Variants in KCND2 observed in about 807,000 individuals in gnomAD.
The protein encoded by KCND2 is potassium voltage-gated channel subfamily D member 2, also known as A-type voltage-gated potassium channel KCND2.
KCND2 carries 16 observed loss-of-function variants against 54.4 expected under a neutral mutation model. The ratio of observed to expected loss-of-function variants is 0.29; its 90% CI spans 0.20 to 0.45. KCND2 has a LOEUF of 0.45. Among genes scored for constraint, KCND2 ranks in the 20% least tolerant of loss-of-function variants. The probability of loss-of-function intolerance (pLI) is 1.00; values close to 1 mark genes in which losing one functional copy is unlikely to be tolerated. For missense variants in KCND2, 486 were observed against 824.2 expected (o/e 0.59, Z 5.02); for synonymous variants, 317 against 310.7 (o/e 1.02, Z -0.21).
At chr7:120,371,512 T>G (rs1456022309) in intron 1 of KCND2, among the ~76,000 whole-genome samples, 1 of 151,818 alleles carries the variant, frequency 6.6e-6, no homozygotes, top group African/African-American at 2.4e-5. Flanking sequence ...GGCCATGGAG[T>G]TGAGTGGGAG....
intron 1 of KCND2, among the ~76,000 whole-genome samples, chr7:120,726,115 C>T (rs1307722392): frequency 2.6e-5 from 4 of 152,036 alleles, no homozygotes; most frequent in African/African-American, 9.7e-5. Flanking sequence ...TAAACAACTA[C>T]ATACATTAGC....
intron 1 of KCND2, among the ~76,000 whole-genome samples, chr7:120,661,515 T>A (rs2116560223): frequency 6.6e-6 from 1 of 152,050 alleles, no homozygotes; most frequent in East Asian, 1.9e-4. Flanking sequence ...CCAGGCATGG[T>A]GATAGTCACC....
chr7:120,411,912 A>T (rs946249919), intron 1 of KCND2, among the ~76,000 whole-genome samples: 1 of 151,956 alleles, frequency 6.6e-6, no homozygotes, highest in South Asian at 2.1e-4. Flanking sequence ...TTTGCAACTC[A>T]TGTACCTAAT....
intron 1 of KCND2, among the ~76,000 whole-genome samples, chr7:120,678,343 TTA>T (rs3067141): frequency 0.44 from 53,185 of 120,078 alleles, 12,254 homozygotes; most frequent in Middle Eastern, 0.64. Context: ...GTATGATTAT[TTA>T]TATATATATA....
chr7:120,417,879 A>C (rs1801546519), intron 1 of KCND2, among the ~76,000 whole-genome samples: 1 of 152,204 alleles, frequency 6.6e-6, no homozygotes, highest in African/African-American at 2.4e-5. Context: ...TCTTTGAACC[A>C]GGAGTCTAGG....
At chr7:120,392,199 A>C (rs566789432) in intron 1 of KCND2, among the ~76,000 whole-genome samples, 1 of 152,058 alleles carries the variant, frequency 6.6e-6, no homozygotes, top group East Asian at 1.9e-4. Flanking sequence ...TGTTTTTGTC[A>C]GGTTTGTTGA....
At chr7:120,375,375 C>T (rs1242224635) in intron 1 of KCND2, among the ~76,000 whole-genome samples, 1 of 151,816 alleles carries the variant, frequency 6.6e-6, no homozygotes, top group Non-Finnish European at 1.5e-5. Context: ...ATTTAGACTC[C>T]TTTCAGTCTC....
intron 1 of KCND2, among the ~76,000 whole-genome samples, chr7:120,361,141 T>G (rs1800587501): frequency 6.6e-6 from 1 of 152,032 alleles, no homozygotes; most frequent in African/African-American, 2.4e-5. Flanking sequence ...CTGTTTTGAC[T>G]GTCACAGAAG....
chr7:120,503,971 C>G (rs1055841977), intron 1 of KCND2, among the ~76,000 whole-genome samples: 1 of 151,866 alleles, frequency 6.6e-6, no homozygotes, highest in South Asian at 2.1e-4. Context: ...TTTCTTGTAT[C>G]GTTCTAAAAC....
At chr7:120,522,662 C>T (rs368329292) in intron 1 of KCND2, among the ~76,000 whole-genome samples, 42 of 152,126 alleles carry the variant, frequency 2.8e-4, no homozygotes, top group African/African-American at 9.9e-4. Context: ...AGAATCATTC[C>T]TGATAGCCCA....
chr7:120,308,510 T>G (rs1222640485), intron 1 of KCND2, among the ~76,000 whole-genome samples: 1 of 152,110 alleles, frequency 6.6e-6, no homozygotes, highest in Admixed American at 6.6e-5. Context: ...AATCACAGAG[T>G]TAAGGTTTCA....
intron 1 of KCND2, among the ~76,000 whole-genome samples, chr7:120,364,601 A>G (rs1042151708): frequency 3.3e-5 from 5 of 152,226 alleles, no homozygotes; most frequent in African/African-American, 1.2e-4. Flanking sequence ...CCAATACAGC[A>G]TGGGCAACTG....
chr7:120,652,494 C>T (rs1791748991), intron 1 of KCND2, among the ~76,000 whole-genome samples: 1 of 151,978 alleles, frequency 6.6e-6, no homozygotes, highest in Admixed American at 6.6e-5. Flanking sequence ...GTCCATGTTC[C>T]CCAACAATAA....
Position 120,275,745 on chromosome 7 carries a change from A to T in KCND2, c.1113A>T (p.Leu371=), listed in dbSNP as rs1799164122. Residue 371 remains leucine (L), a splice_region_variant and synonymous_variant, in exon 1 of 6, where the codon CTA becomes CTT. Coordinates refer to ENST00000331113, the MANE Select transcript of KCND2 (RefSeq NM_012281.3). ...FWYTIVTMTT[L]GYGDMVPKTI... ...ATACCATCGTCACCATGACAACACT[A>T]GGGTAGGTGCCATAATGGGAAATGG... 6.2e-7 allele frequency: 1 copy of T among 1,600,006 alleles called. No homozygotes were observed. Among genetic ancestry groups the T allele is most frequent in the South Asian group, 1.1e-5 (1 of 91,078 alleles).
intron 1 of KCND2, among the ~76,000 whole-genome samples, chr7:120,286,423 A>G (rs1328970137): frequency 1.3e-5 from 2 of 151,884 alleles, no homozygotes; most frequent in Non-Finnish European, 2.9e-5. Context: ...AGATTTGGGG[A>G]TGTGGGAGAT....
At chr7:120,517,924 C>A (rs901770952) in intron 1 of KCND2, among the ~76,000 whole-genome samples, 33 of 152,108 alleles carry the variant, frequency 2.2e-4, no homozygotes, top group African/African-American at 7.7e-4. Flanking sequence ...CTTCTTAGAA[C>A]ACATAAGCAT....
At chr7:120,476,483 A>G (rs923665499) in intron 1 of KCND2, among the ~76,000 whole-genome samples, 5 of 152,316 alleles carry the variant, frequency 3.3e-5, no homozygotes, top group Middle Eastern at 6.8e-3. Flanking sequence ...TTAACCAAGT[A>G]AGCAAAGTAA....
intron 1 of KCND2, among the ~76,000 whole-genome samples, chr7:120,624,341 T>C (rs1236201483): frequency 6.6e-6 from 1 of 152,214 alleles, no homozygotes; most frequent in Non-Finnish European, 1.5e-5. Context: ...GGTGCAGCTT[T>C]CCTGGATTTA....
At chr7:120,743,073 T>C (rs1373306171) in intron 4 of KCND2, among the ~76,000 whole-genome samples, 1 of 152,188 alleles carries the variant, frequency 6.6e-6, no homozygotes, top group African/African-American at 2.4e-5. Flanking sequence ...TAGAGATAGA[T>C]AATAGAAACT....
Sources: allele counts gnomAD v4.1 joint callset (sites outside exome capture counted in the v4.1 genomes callset), GRCh38; gene constraint gnomAD v4.1.1; transcripts MANE v1.5; gene names NCBI Gene and HGNC (gene_info 2026-07-23, HGNC 2026-07-21).